Variants in RGS6 observed in about 807,000 individuals in gnomAD.
RGS6 encodes the protein regulator of G-protein signaling 6.
In RGS6, 30 loss-of-function variants were observed where a neutral mutation model predicts 78.5. The ratio of observed to expected loss-of-function variants is 0.38; its 90% CI spans 0.29 to 0.52. The LOEUF (loss-of-function observed/expected upper bound fraction) is 0.52. RGS6 is among the 20% of genes least tolerant of loss of function. RGS6 has a pLI of 0.85. For synonymous variants in RGS6, 206 were observed against 206.0 expected (o/e 1.00, Z 0.00); for missense variants, 495 against 609.7 (o/e 0.81, Z 1.98).
intron 2 of RGS6, among the ~76,000 whole-genome samples, chr14:72,010,831 A>AT (rs199876115): frequency 2.6e-5 from 4 of 152,124 alleles, no homozygotes; most frequent in Non-Finnish European, 4.4e-5. Context: ...TTAACTAGAT[A>AT]TTTTTTTCTC....
intron 2 of RGS6, among the ~76,000 whole-genome samples, chr14:72,065,762 A>G (rs1472056884): frequency 6.6e-6 from 1 of 151,390 alleles, no homozygotes; most frequent in Non-Finnish European, 1.5e-5. Flanking sequence ...TCATTATTTT[A>G]TTTTATTTTA....
chr14:72,613,047 C>T, the RGS6 span, among the ~76,000 whole-genome samples: 9 of 150,706 alleles, frequency 6.0e-5, no homozygotes, highest in African/African-American at 9.7e-5. Flanking sequence ...CGTGCGTGCA[C>T]GCACGCGCAT....
intron 3 of RGS6, among the ~76,000 whole-genome samples, chr14:72,381,863 A>G (rs1382512665): frequency 6.6e-6 from 1 of 152,108 alleles, no homozygotes; most frequent in African/African-American, 2.4e-5. Context: ...CTGGAAAATA[A>G]GAGCATGCAA....
At chr14:72,614,777 G>GAAAAAAAAA in the RGS6 span, among the ~76,000 whole-genome samples, 50 of 96,056 alleles carry the variant, frequency 5.2e-4, 1 homozygote, top group South Asian at 3.2e-3. Context: ...ACAAGCCTCA[G>GAAAAAAAAA]AAAAAAAAAA....
the RGS6 span, among the ~76,000 whole-genome samples, chr14:71,890,295 G>A: frequency 6.6e-6 from 1 of 151,590 alleles, no homozygotes; most frequent in Non-Finnish European, 1.5e-5. Flanking sequence ...AATGACAGCC[G>A]GTAGGATTAG....
chr14:72,362,754 A>C (rs956468028), intron 3 of RGS6, among the ~76,000 whole-genome samples: 2 of 152,216 alleles, frequency 1.3e-5, no homozygotes, highest in Non-Finnish European at 2.9e-5. Context: ...TACAAGGCAA[A>C]GTCTGGATTG....
intron 2 of RGS6, among the ~76,000 whole-genome samples, chr14:72,064,001 G>A (rs572147339): frequency 6.6e-6 from 1 of 152,046 alleles, no homozygotes; most frequent in Non-Finnish European, 1.5e-5. Flanking sequence ...GTAGTTCTTT[G>A]TTTTTCTCTA....
At chr14:72,538,384 T>A (rs1232076810) in intron 16 of RGS6, among the ~76,000 whole-genome samples, 1 of 152,198 alleles carries the variant, frequency 6.6e-6, no homozygotes, top group Non-Finnish European at 1.5e-5. Context: ...TTTCTAATAT[T>A]TTCCAAATAA....
At chr14:72,020,299 G>GT (rs2088113840) in intron 2 of RGS6, among the ~76,000 whole-genome samples, 1 of 152,220 alleles carries the variant, frequency 6.6e-6, no homozygotes, top group Non-Finnish European at 1.5e-5. Context: ...TTGCAAGTCA[G>GT]TTTCTTATAA....
the RGS6 span, among the ~76,000 whole-genome samples, chr14:72,573,883 A>T: frequency 6.6e-6 from 1 of 152,214 alleles, no homozygotes; most frequent in African/African-American, 2.4e-5. Context: ...GAGCTGATCT[A>T]TTGAGTGAAA....
intron 2 of RGS6, among the ~76,000 whole-genome samples, chr14:72,335,172 A>G (rs939605567): frequency 1.3e-5 from 2 of 152,114 alleles, no homozygotes; most frequent in African/African-American, 4.8e-5. Flanking sequence ...TGGAACTGTG[A>G]GTCAATTAAA....
At chr14:72,414,065 A>T (rs1377278182) in intron 3 of RGS6, among the ~76,000 whole-genome samples, 1 of 152,104 alleles carries the variant, frequency 6.6e-6, no homozygotes, top group Non-Finnish European at 1.5e-5. Flanking sequence ...GCTCTTCTCA[A>T]GGAGTATCTT....
At chr14:72,017,284 T>C (rs1567027510) in intron 2 of RGS6, among the ~76,000 whole-genome samples, 1 of 152,208 alleles carries the variant, frequency 6.6e-6, no homozygotes, top group African/African-American at 2.4e-5. Context: ...TGCTGGTGTA[T>C]AGGAATGTTA....
At chr14:72,605,175 C>T in the RGS6 span, among the ~76,000 whole-genome samples, 3 of 152,204 alleles carry the variant, frequency 2.0e-5, no homozygotes, top group Admixed American at 2.0e-4. Flanking sequence ...GCTGTGGGCA[C>T]GTTTCTCTCT....
chr14:71,964,042 T>A (rs1048266576), intron 1 of RGS6, among the ~76,000 whole-genome samples: 9 of 151,988 alleles, frequency 5.9e-5, no homozygotes, highest in Admixed American at 1.3e-4. Flanking sequence ...TTTTTTTTTT[T>A]AAATTATAAT....
intron 1 of RGS6, among the ~76,000 whole-genome samples, chr14:71,956,192 C>G (rs1254257055): frequency 1.3e-5 from 2 of 152,068 alleles, no homozygotes; most frequent in African/African-American, 4.8e-5. Context: ...GACTTCCTCT[C>G]CATCCCAAAG....
intron 2 of RGS6, among the ~76,000 whole-genome samples, chr14:72,322,738 A>G (rs2072442694): frequency 6.6e-6 from 1 of 152,148 alleles, no homozygotes; most frequent in Non-Finnish European, 1.5e-5. Flanking sequence ...ACTATTTCAA[A>G]ATTCACAACT....
intron 2 of RGS6, among the ~76,000 whole-genome samples, chr14:72,061,129 A>G (rs1373239752): frequency 6.6e-6 from 1 of 152,220 alleles, no homozygotes; most frequent in African/African-American, 2.4e-5. Context: ...AAGTGTTGCA[A>G]GCTTTAAGAG....
At chr14:72,163,588 A>G (rs1204825438) in intron 2 of RGS6, among the ~76,000 whole-genome samples, 1 of 152,230 alleles carries the variant, frequency 6.6e-6, no homozygotes, top group African/African-American at 2.4e-5. Context: ...TTGTCAGTAA[A>G]AAATGGAGTT....
Sources: allele counts gnomAD v4.1 joint callset (sites outside exome capture counted in the v4.1 genomes callset), GRCh38; gene constraint gnomAD v4.1.1; transcripts MANE v1.5; gene names NCBI Gene and HGNC (gene_info 2026-07-23, HGNC 2026-07-21).